TBC1D1: variants seen among roughly 807,000 people sequenced by gnomAD.
TBC1D1 encodes the protein TBC1 domain family member 1.
TBC1D1 carries 89 observed loss-of-function variants against 125.6 expected under a neutral mutation model. The ratio of observed to expected loss-of-function variants is 0.71; its 90% CI spans 0.60 to 0.85. TBC1D1 has a LOEUF of 0.85. Among genes scored for constraint, TBC1D1 ranks in the 40% least tolerant of loss-of-function variants. The pLI, the probability that TBC1D1 is intolerant of heterozygous loss-of-function variation, is 0.00. For synonymous variants in TBC1D1, 565 were observed against 564.1 expected (o/e 1.00, Z -0.02); for missense variants, 1,377 against 1,469.2 (o/e 0.94, Z 1.03).
intron 12 of TBC1D1, among the ~76,000 whole-genome samples, chr4:38,055,340 T>C (rs570532888): frequency 1.3e-5 from 2 of 152,350 alleles, no homozygotes; most frequent in East Asian, 3.9e-4. Flanking sequence ...CCTTAGGAGC[T>C]GTGAACTAGA....
At chr4:38,034,862 G>A (rs1021127460) in intron 7 of TBC1D1, among the ~76,000 whole-genome samples, 1 of 152,062 alleles carries the variant, frequency 6.6e-6, no homozygotes, top group Non-Finnish European at 1.5e-5. Context: ...ATTCACTCTG[G>A]CATTTCAAAT....
chr4:37,972,857 G>A (rs979893118), intron 2 of TBC1D1, among the ~76,000 whole-genome samples: 25 of 144,868 alleles, frequency 1.7e-4, no homozygotes, highest in Non-Finnish European at 3.0e-4. Flanking sequence ...AGCTGAGATC[G>A]CACCACTGCA....
chr4:38,052,728 G>GCGCA lies in TBC1D1; in HGVS notation c.1911-1470_1911-1469insGCAC, dbSNP rs1491148206. Reference sequence around the variant, plus strand: ...TACACACACACGCGCGCGCGCGCGCGCACACACACACACACACACACACAC... The same window carrying GCGCA: ...TACACACACACGCGCGCGCGCGCGCGCGCACACACACACACACACACACACACAC... On this transcript the variant is annotated intron_variant, in intron 11 of 19. Transcript: ENST00000261439. Among the ~76,000 whole-genome samples the GCGCA allele has an allele frequency of 8.7e-3, 1,027 of 118,320 alleles. 11 individuals are homozygous for GCGCA. The highest frequency in any genetic ancestry group is 0.029 in the African/African-American group (840 of 28,640). 77.6% of individuals were successfully genotyped at this position (118,320 alleles called of 152,430 possible). A position where few individuals can be genotyped will look rare whatever the true frequency, so the allele number is the denominator to read the frequency against.
intron 2 of TBC1D1, among the ~76,000 whole-genome samples, chr4:37,916,226 T>C (rs941253139): frequency 4.6e-5 from 7 of 152,206 alleles, no homozygotes; most frequent in Non-Finnish European, 7.3e-5. Flanking sequence ...TACATTTTAC[T>C]GTCTTATTTG....
chr4:38,133,331 C>A, intron 19 of TBC1D1, 74 bp downstream of exon 21: 1 of 1,421,738 alleles, frequency 7.0e-7, no homozygotes, highest in Non-Finnish European at 9.7e-7. Flanking sequence ...AAGGCAACAG[C>A]AGGCTGGGCT....
At chr4:37,915,724 A>G (rs191155494) in intron 2 of TBC1D1, among the ~76,000 whole-genome samples, 22 of 152,106 alleles carry the variant, frequency 1.4e-4, no homozygotes, top group African/African-American at 4.8e-4. Flanking sequence ...GTGCACCCAT[A>G]TTAATTTATT....
At chr4:38,095,812 T>C in intron 13 of TBC1D1, 117 bp from the exon 16 acceptor site, 1 of 1,067,638 alleles carries the variant, frequency 9.4e-7, no homozygotes. Flanking sequence ...TTAGACGCGT[T>C]AAGCCAGTTG....
chr4:37,945,692 T>C (rs1726558210), intron 2 of TBC1D1, among the ~76,000 whole-genome samples: 1 of 152,142 alleles, frequency 6.6e-6, no homozygotes, highest in African/African-American at 2.4e-5. Flanking sequence ...AGTGAGCAGA[T>C]CAGATATGCT....
intron 18 of TBC1D1, among the ~76,000 whole-genome samples, chr4:38,131,998 T>G (rs1578867935): frequency 6.6e-6 from 1 of 152,188 alleles, no homozygotes; most frequent in Non-Finnish European, 1.5e-5. Flanking sequence ...AAAGGAAACA[T>G]GGTTTTTGAA....
intron 1 of TBC1D1, among the ~76,000 whole-genome samples, chr4:37,896,210 C>T (rs940723280): frequency 6.6e-6 from 1 of 152,154 alleles, no homozygotes; most frequent in Non-Finnish European, 1.5e-5. Context: ...ATCCTTTCTT[C>T]TCTCCCTACC....
intron 12 of TBC1D1, among the ~76,000 whole-genome samples, chr4:38,063,574 G>A (rs1040316664): frequency 6.6e-6 from 1 of 152,154 alleles, no homozygotes; most frequent in Non-Finnish European, 1.5e-5. Context: ...AATGTTGTGA[G>A]GTTATTTTTT....
intron 11 of TBC1D1, 114 bp from the exon 12 acceptor site, chr4:38,051,785 G>A (rs1750599631): frequency 1.0e-6 from 1 of 997,546 alleles, no homozygotes; most frequent in African/African-American, 1.6e-5. Flanking sequence ...CTCTGATAGT[G>A]TTACTGGAAC....
intron 2 of TBC1D1, among the ~76,000 whole-genome samples, chr4:37,945,888 T>A (rs866359597): frequency 6.6e-6 from 1 of 152,214 alleles, no homozygotes; most frequent in Non-Finnish European, 1.5e-5. Context: ...TAGTTTAAAG[T>A]CGCAGCCAAA....
intron 13 of TBC1D1, among the ~76,000 whole-genome samples, chr4:38,091,377 T>G (rs902268448): frequency 6.6e-6 from 1 of 152,194 alleles, no homozygotes; most frequent in Non-Finnish European, 1.5e-5. Flanking sequence ...GCTGTTTTCT[T>G]CCAACCCAGT....
At position 38,072,620 on chromosome 4, in the gene TBC1D1, TGTG is replaced by T. The variant is rs948136202; in HGVS notation, c.2051-17309_2051-17307del. 3.5e-3 allele frequency among the ~76,000 whole-genome samples: 531 copies of T among 152,320 alleles called. 1 individual carries two copies. Among genetic ancestry groups the T allele is most frequent in the African/African-American group, 0.012 (499 of 41,568 alleles). On this transcript the variant is annotated intron_variant, in intron 12 of 19. Coordinates refer to ENST00000261439, the MANE Select transcript of TBC1D1 (RefSeq NM_015173.4). ...TATAGATTTAAAAAAAATTTTTTAT[TGTG>T]GTAAAAAACATAAACATAATACTAC...
At chr4:38,120,810 T>C (rs1261144825) in intron 17 of TBC1D1, among the ~76,000 whole-genome samples, 1 of 152,178 alleles carries the variant, frequency 6.6e-6, no homozygotes, top group African/African-American at 2.4e-5. Context: ...CTCTGTTCAC[T>C]TTCTCATCAC....
chr4:37,993,643 G>A (rs1351627484), intron 2 of TBC1D1, among the ~76,000 whole-genome samples: 2 of 152,064 alleles, frequency 1.3e-5, no homozygotes, highest in Non-Finnish European at 2.9e-5. Context: ...ATGCAGTGGC[G>A]CAATCTCAAC....
chr4:38,041,946 G>C (rs1048430048), intron 8 of TBC1D1, among the ~76,000 whole-genome samples: 1 of 152,194 alleles, frequency 6.6e-6, no homozygotes, highest in African/African-American at 2.4e-5. Flanking sequence ...GGCCAAGGCA[G>C]GTGGATCATT....
chr4:37,920,794 A>G (rs1448027918), intron 2 of TBC1D1, among the ~76,000 whole-genome samples: 2 of 152,174 alleles, frequency 1.3e-5, no homozygotes, highest in African/African-American at 4.8e-5. Context: ...GCATTGTCCC[A>G]AAACAGTAGG....
Sources: allele counts gnomAD v4.1 joint callset (sites outside exome capture counted in the v4.1 genomes callset), GRCh38; gene constraint gnomAD v4.1.1; transcripts MANE v1.5; gene names NCBI Gene and HGNC (gene_info 2026-07-23, HGNC 2026-07-21).